Variants in USH2A observed in about 807,000 individuals in gnomAD.
The protein encoded by USH2A is usherin.
In USH2A, 443 loss-of-function variants were observed where a neutral mutation model predicts 538.9. That is an observed-to-expected ratio of 0.82 (90% CI 0.76 to 0.89). The LOEUF (loss-of-function observed/expected upper bound fraction) is 0.89. USH2A is among the 40% of genes least tolerant of loss of function. The pLI is 0.00. For synonymous variants in USH2A, 2,413 were observed against 2,273.5 expected, an observed-to-expected ratio of 1.06 and a Z score of -1.75; for missense variants, 6,633 against 6,324.8, an observed-to-expected ratio of 1.05 and a Z score of -1.65.
At chr1:216,324,098 G>T (rs1228565717) in intron 7 of USH2A, 70 bp downstream of exon 7, 37 of 1,531,322 alleles carry the variant, frequency 2.4e-5, no homozygotes, top group Admixed American at 9.2e-5. Flanking sequence ...CCAGCCTAGA[G>T]AGCTAGCATA....
chr1:215,960,344 A>C (rs963104169), intron 37 of USH2A, among the ~76,000 whole-genome samples: 49 of 152,204 alleles, frequency 3.2e-4, no homozygotes, highest in African/African-American at 1.1e-3. Context: ...AAACTTACAC[A>C]TTTGTTTTAT....
rs200662056 is a variant in USH2A at position 216,069,182 on chromosome 1, C to T, written c.6049+919G>A. ...CATATGCAACCTGTGAAAAGGCAAG[C>T]TGTGGGCTTACTCAGGCTGGGCTTT... On this transcript the variant is annotated intron_variant, in intron 30 of 71. Transcript: ENST00000307340. 3.5e-3 allele frequency among the ~76,000 whole-genome samples: 532 copies of T among 152,212 alleles called. 5 individuals are homozygous for T. Among genetic ancestry groups the T allele is most frequent in the African/African-American group, 0.012 (505 of 41,520 alleles).
At chr1:215,985,389 T>TAGATAATAAGCCTTTCTACAAAA (rs1306854667) in intron 35 of USH2A, among the ~76,000 whole-genome samples, 2 of 152,176 alleles carry the variant, frequency 1.3e-5, no homozygotes, top group Non-Finnish European at 2.9e-5. Flanking sequence ...CTACAAAAAG[T>TAGATAATAAGCCTTTCTACAAAA]AGAGGCAGAT....
At position 215,650,288 on chromosome 1, in the gene USH2A, T is replaced by TAATTA. The variant is rs758992047; in HGVS notation, c.14343+299_14343+303dup. Among the ~76,000 whole-genome samples the TAATTA allele has an allele frequency of 2.1e-3, 313 of 152,338 alleles. 1 individual carries two copies. Among genetic ancestry groups the TAATTA allele is most frequent in the African/African-American group, 4.8e-3 (198 of 41,572 alleles). ...CACTCTAAGTGGTTGATCTGTTTTC[T>TAATTA]AATTAAATTAAATTAAATTAAATTA... On this transcript the variant is annotated intron_variant, in intron 65 of 71. Coordinates refer to ENST00000307340, the MANE Select transcript of USH2A (RefSeq NM_206933.4).
intron 11 of USH2A, among the ~76,000 whole-genome samples, chr1:216,253,604 C>T (rs1450005287): frequency 4.6e-5 from 7 of 152,276 alleles, no homozygotes; most frequent in Middle Eastern, 3.4e-3. Flanking sequence ...GAATTCTATG[C>T]GTATTGATCA....
intron 21 of USH2A, among the ~76,000 whole-genome samples, chr1:216,123,164 C>G (rs1356637181): frequency 6.6e-6 from 1 of 152,146 alleles, no homozygotes; most frequent in Non-Finnish European, 1.5e-5. Context: ...CAGAAAAGAA[C>G]TGACTTAAAA....
At chr1:216,295,447 C>T (rs1035518669) in intron 9 of USH2A, among the ~76,000 whole-genome samples, 2 of 151,636 alleles carry the variant, frequency 1.3e-5, no homozygotes, top group Non-Finnish European at 3.0e-5. Context: ...AAAATAAATA[C>T]ACCTTAGAAT....
intron 15 of USH2A, among the ~76,000 whole-genome samples, chr1:216,211,959 AT>A (rs1008358937): frequency 6.6e-6 from 1 of 152,042 alleles, no homozygotes; most frequent in Non-Finnish European, 1.5e-5. Context: ...GTAATTTAAC[AT>A]TTTTTAGTGA....
intron 3 of USH2A, among the ~76,000 whole-genome samples, chr1:216,378,138 T>C (rs1186728305): frequency 6.6e-6 from 1 of 152,022 alleles, no homozygotes; most frequent in Non-Finnish European, 1.5e-5. Flanking sequence ...AGAAAATTAA[T>C]GAGCCTAAAC....
At position 216,000,699 on chromosome 1, in the gene USH2A, AT is replaced by A. The variant is rs1668249436; in HGVS notation, c.6326-138del. 2.8e-6 allele frequency: 3 copies of A among 1,083,176 alleles called. No homozygotes were observed. In the Admixed American group the frequency reaches 5.9e-5, roughly 21 times the overall value. 67.1% of individuals were successfully genotyped at this position (1,083,176 alleles called of 1,614,324 possible). A position where few individuals can be genotyped will look rare whatever the true frequency, so the allele number is the denominator to read the frequency against. The stretch of plus-strand genomic sequence containing the variant: ...TATGAATAAATAGCCATAAAAATCA[AT>A]AGCAATAACATATAGGATGCTTCAT... On this transcript the variant is annotated intron_variant, in intron 32 of 71. Coordinates refer to ENST00000307340, the MANE Select transcript of USH2A (RefSeq NM_206933.4).
intron 32 of USH2A, among the ~76,000 whole-genome samples, chr1:216,036,636 G>A (rs975992756): frequency 3.3e-5 from 5 of 152,078 alleles, no homozygotes; most frequent in Admixed American, 6.6e-5. Context: ...TAGTGTACAC[G>A]GGTCAGTGAC....
intron 9 of USH2A, among the ~76,000 whole-genome samples, chr1:216,313,409 A>T (rs1251286118): frequency 6.6e-6 from 1 of 152,202 alleles, no homozygotes; most frequent in Non-Finnish European, 1.5e-5. Flanking sequence ...ATTTCTCAGT[A>T]ACTGCTCTTC....
chr1:215,669,628 A>G (rs183944311), intron 64 of USH2A, among the ~76,000 whole-genome samples: 178 of 152,306 alleles, frequency 1.2e-3, no homozygotes, highest in African/African-American at 4.2e-3. Flanking sequence ...GTCTGTTTAG[A>G]TTGGGTTTTG....
intron 26 of USH2A, among the ~76,000 whole-genome samples, chr1:216,082,762 T>G (rs1442130451): frequency 6.6e-6 from 1 of 152,060 alleles, no homozygotes; most frequent in African/African-American, 2.4e-5. Flanking sequence ...GAACAACCAA[T>G]ACATCATTGG....
Position 215,931,113 on chromosome 1 carries a change from T to C in USH2A, c.7300+3503A>G, listed in dbSNP as rs528430621. Among the ~76,000 whole-genome samples the C allele has an allele frequency of 2.6e-5, 4 of 152,098 alleles. No homozygotes were observed. The East Asian group carries it at 7.7e-4, about 29-fold the overall frequency. On this transcript the variant is annotated intron_variant, in intron 38 of 71. Coordinates refer to ENST00000307340, the MANE Select transcript of USH2A (RefSeq NM_206933.4). ...CGCCCCTCCAGTTGTCCAAATAATA[T>C]TTAAAGTGAATTTTTCAAATAAAAA... is the stretch of plus-strand genomic sequence containing the variant.
chr1:216,012,373 G>A (rs1034401558), intron 32 of USH2A, among the ~76,000 whole-genome samples: 1 of 151,954 alleles, frequency 6.6e-6, no homozygotes, highest in Non-Finnish European at 1.5e-5. Context: ...CCCCACCCAG[G>A]ACTGGCAAAT....
chr1:216,321,485 C>T (rs928807234), intron 9 of USH2A, among the ~76,000 whole-genome samples: 3 of 152,154 alleles, frequency 2.0e-5, no homozygotes, highest in African/African-American at 7.2e-5. Flanking sequence ...TGTTCTTCAT[C>T]TAACGATGCT....
At chr1:216,096,365 G>A (rs977488617) in intron 22 of USH2A, among the ~76,000 whole-genome samples, 4 of 152,090 alleles carry the variant, frequency 2.6e-5, no homozygotes, top group African/African-American at 9.7e-5. Flanking sequence ...CACCTTCCCA[G>A]GTGGAGATCA....
At chr1:215,735,096 T>C (rs898473444) in intron 60 of USH2A, among the ~76,000 whole-genome samples, 1 of 152,246 alleles carries the variant, frequency 6.6e-6, no homozygotes, top group African/African-American at 2.4e-5. Flanking sequence ...GATTGCAGCA[T>C]GCAATTTTTC....
Sources: allele counts gnomAD v4.1 joint callset (sites outside exome capture counted in the v4.1 genomes callset), GRCh38; gene constraint gnomAD v4.1.1; transcripts MANE v1.5; gene names NCBI Gene and HGNC (gene_info 2026-07-23, HGNC 2026-07-21).